PAWR: variants seen among roughly 807,000 people sequenced by gnomAD.
The protein encoded by PAWR is pro-apoptotic WT1 regulator.
Under a neutral mutation model 32.0 loss-of-function variants are expected in PAWR, and 23 were observed. The ratio of observed to expected loss-of-function variants is 0.72; its 90% CI spans 0.52 to 1.02. The LOEUF is 1.02. Among genes scored for constraint, PAWR ranks in the 50% least tolerant of loss-of-function variants. The pLI is 0.00. For missense variants in PAWR, 457 were observed against 437.7 expected, an observed-to-expected ratio of 1.04 and a Z score of -0.39; for synonymous variants, 226 against 187.1, an observed-to-expected ratio of 1.21 and a Z score of -1.70.
At chr12:79,598,823 G>A (rs1007505265) in intron 4 of PAWR, among the ~76,000 whole-genome samples, 2 of 152,096 alleles carry the variant, frequency 1.3e-5, no homozygotes, top group East Asian at 1.9e-4. Context: ...TGCAACCTCC[G>A]CCTCCTGGGT....
chr12:79,608,637 C>T (rs1194899265), intron 4 of PAWR, among the ~76,000 whole-genome samples: 1 of 152,182 alleles, frequency 6.6e-6, no homozygotes, highest in Non-Finnish European at 1.5e-5. Flanking sequence ...GAAGTCTTAT[C>T]ATTTAAACAA....
At chr12:79,632,238 T>C (rs1483254524) in intron 2 of PAWR, 1 of 138,088 alleles carries the variant, frequency 7.2e-6, no homozygotes, top group Non-Finnish European at 1.5e-5. Context: ...GAGTGTGTTA[T>C]TGGCGTAAAG....
chr12:79,594,725 G>GTGTA (rs983204780), intron 5 of PAWR, among the ~76,000 whole-genome samples: 4 of 146,138 alleles, frequency 2.7e-5, no homozygotes, highest in Admixed American at 6.7e-5. Flanking sequence ...GTGTGTGTGT[G>GTGTA]TGTATGTATG....
At chr12:79,619,437 GA>G (rs1874896135) in intron 3 of PAWR, among the ~76,000 whole-genome samples, 1 of 152,152 alleles carries the variant, frequency 6.6e-6, no homozygotes, top group South Asian at 2.1e-4. Context: ...AATAACGAAA[GA>G]AAGAAAAATC....
chr12:79,685,539 G>A (rs558935000), intron 2 of PAWR, among the ~76,000 whole-genome samples: 163 of 152,196 alleles, frequency 1.1e-3, no homozygotes, highest in African/African-American at 3.8e-3. Context: ...TCAAACTATG[G>A]AGTAGGTGTC....
At chr12:79,619,303 A>T (rs1490781816) in intron 3 of PAWR, among the ~76,000 whole-genome samples, 2 of 152,178 alleles carry the variant, frequency 1.3e-5, no homozygotes, top group Non-Finnish European at 2.9e-5. Flanking sequence ...ATTGTGTTCA[A>T]TTAACTTTTC....
intron 2 of PAWR, among the ~76,000 whole-genome samples, chr12:79,678,868 A>ATT (rs11383561): frequency 0.5 from 63,926 of 127,822 alleles, 19,515 homozygotes; most frequent in Non-Finnish European, 0.65. Flanking sequence ...CCTTTAGGGT[A>ATT]TTTTTTTTTT....
intron 2 of PAWR, among the ~76,000 whole-genome samples, chr12:79,637,541 TA>T (rs112508716): frequency 0.24 from 31,570 of 132,718 alleles, 8,725 homozygotes; most frequent in African/African-American, 0.68. Flanking sequence ...CATTGAACAT[TA>T]AAAAAAAAAA....
chr12:79,586,347 C>T lies in PAWR; in HGVS notation c.*6260G>A, dbSNP rs1388106052. On this transcript the variant is annotated 3_prime_UTR_variant, in exon 7 of 7. Transcript: ENST00000328827. Reference sequence around the variant, plus strand: ...TAGGCCTTTGACTGATAGCTTTAGGCTTTTGCACTACACAAAGAAAAAGAC... The same window carrying T: ...TAGGCCTTTGACTGATAGCTTTAGGTTTTTGCACTACACAAAGAAAAAGAC... 6.6e-6 allele frequency: 1 copy of T among 152,574 alleles called. No homozygotes were observed. Among genetic ancestry groups the T allele is most frequent in the African/African-American group, 2.4e-5 (1 of 41,434 alleles). The allele number at this position is 152,574 out of a possible 1,614,324, so 9.5% of individuals were successfully genotyped here.
chr12:79,688,432 G>C (rs1005519039), intron 2 of PAWR: 1 of 135,646 alleles, frequency 7.4e-6, no homozygotes, highest in African/African-American at 2.8e-5. Context: ...CCAAAGCCTT[G>C]TCTTCAATTT....
At chr12:79,603,817 G>C (rs1874059891) in intron 4 of PAWR, 1 of 151,928 alleles carries the variant, frequency 6.6e-6, no homozygotes, top group Non-Finnish European at 1.5e-5. Flanking sequence ...TGGGATTACA[G>C]GCGCCCGCCA....
intron 2 of PAWR, among the ~76,000 whole-genome samples, chr12:79,651,544 C>T (rs1876844791): frequency 6.6e-6 from 1 of 152,096 alleles, no homozygotes; most frequent in Admixed American, 6.6e-5. Context: ...GGCTATTCCC[C>T]TATCTAGTCT....
chr12:79,651,120 T>C (rs1486680814), intron 2 of PAWR, among the ~76,000 whole-genome samples: 1 of 152,202 alleles, frequency 6.6e-6, no homozygotes, highest in Non-Finnish European at 1.5e-5. Context: ...ACTTGGGTGC[T>C]GGAGTAAATG....
intron 2 of PAWR, among the ~76,000 whole-genome samples, chr12:79,661,644 GAA>G (rs766574512): frequency 1.3e-5 from 2 of 152,034 alleles, no homozygotes; most frequent in Non-Finnish European, 2.9e-5. Flanking sequence ...TTAAAACTAG[GAA>G]ATCTTCAAAG....
intron 2 of PAWR, among the ~76,000 whole-genome samples, chr12:79,645,015 A>G (rs1484345110): frequency 7.0e-6 from 1 of 143,060 alleles, no homozygotes; most frequent in African/African-American, 2.8e-5. Context: ...AAAAAGAAGA[A>G]TCATGCTCCC....
At chr12:79,597,040 C>T (rs1411452599) in intron 4 of PAWR, 3 of 158,002 alleles carry the variant, frequency 1.9e-5, no homozygotes, top group African/African-American at 7.2e-5. Flanking sequence ...TACGATAGGA[C>T]AGATCTCCCA....
intron 2 of PAWR, among the ~76,000 whole-genome samples, chr12:79,647,252 G>A (rs1876622509): frequency 6.6e-6 from 1 of 151,794 alleles, no homozygotes; most frequent in Non-Finnish European, 1.5e-5. Flanking sequence ...CTACTGCAGA[G>A]ATAATTACTA....
intron 2 of PAWR, 45 bp downstream of exon 2, chr12:79,689,684 C>T (rs766515585): frequency 1.3e-6 from 2 of 1,522,088 alleles, no homozygotes; most frequent in South Asian, 2.4e-5. Context: ...CGGGAGGCAG[C>T]TGCCCGCCCC....
intron 4 of PAWR, among the ~76,000 whole-genome samples, chr12:79,610,726 T>C (rs892840247): frequency 1.4e-5 from 2 of 146,846 alleles, no homozygotes; most frequent in African/African-American, 5.1e-5. Context: ...GAGATCACCC[T>C]GGGCAACATA....
Sources: allele counts gnomAD v4.1 joint callset (sites outside exome capture counted in the v4.1 genomes callset), GRCh38; gene constraint gnomAD v4.1.1; transcripts MANE v1.5; gene names NCBI Gene and HGNC (gene_info 2026-07-23, HGNC 2026-07-21).